The following MCC variants were observed in gnomAD, a reference collection of about 807,000 sequenced individuals.
MCC encodes colorectal mutant cancer protein.
A neutral mutation model predicts 116.2 loss-of-function variants in MCC; 90 were observed. The ratio of observed to expected loss-of-function variants is 0.77; its 90% CI spans 0.65 to 0.92. MCC has a LOEUF of 0.92. MCC is among the 40% of genes least tolerant of loss of function. MCC has a pLI of 0.00. For missense variants in MCC, 1,516 were observed against 1,312.2 expected, an observed-to-expected ratio of 1.16 and a Z score of -2.40; for synonymous variants, 578 against 510.5, an observed-to-expected ratio of 1.13 and a Z score of -1.78.
At chr5:113,087,137 G>C (rs77848316) in intron 8 of MCC, among the ~76,000 whole-genome samples, 1 of 152,306 alleles carries the variant, frequency 6.6e-6, no homozygotes, top group East Asian at 1.9e-4. Context: ...TTCTCTAAAA[G>C]GCACTGGAAA....
intron 14 of MCC, among the ~76,000 whole-genome samples, chr5:113,056,676 A>G (rs780515791): frequency 6.6e-5 from 10 of 152,220 alleles, no homozygotes; most frequent in East Asian, 1.9e-4. Context: ...CCTCCATGAC[A>G]TGAGTTTACC....
intron 3 of MCC, among the ~76,000 whole-genome samples, chr5:113,167,388 A>C (rs1760825587): frequency 6.6e-6 from 1 of 152,132 alleles, no homozygotes; most frequent in Non-Finnish European, 1.5e-5. Flanking sequence ...GCATTTACAC[A>C]CCTGCAGGGC....
intron 3 of MCC, among the ~76,000 whole-genome samples, chr5:113,156,229 A>G (rs954819916): frequency 6.6e-6 from 1 of 152,242 alleles, no homozygotes; most frequent in Non-Finnish European, 1.5e-5. Flanking sequence ...TGGCAAATGA[A>G]GCTGATCTAA....
chr5:113,032,408 C>CAAAAAAAA (rs376957827), intron 17 of MCC, among the ~76,000 whole-genome samples: 1 of 63,352 alleles, frequency 1.6e-5, no homozygotes, highest in Non-Finnish European at 3.8e-5. Context: ...AACTCTGTAT[C>CAAAAAAAA]AAAAAAAAAA....
intron 3 of MCC, among the ~76,000 whole-genome samples, chr5:113,227,624 A>G (rs949287951): frequency 1.1e-4 from 16 of 152,218 alleles, no homozygotes; most frequent in African/African-American, 3.9e-4. Context: ...AGAAAATCAT[A>G]TGTTTCTATA....
chr5:113,073,612 T>G (rs766123160), intron 11 of MCC, among the ~76,000 whole-genome samples: 1 of 151,916 alleles, frequency 6.6e-6, no homozygotes, highest in Non-Finnish European at 1.5e-5. Context: ...TCAGGCCTCA[T>G]GGTTGTTAAG....
At chr5:113,116,212 G>T (rs1561367117) in intron 6 of MCC, among the ~76,000 whole-genome samples, 1 of 152,196 alleles carries the variant, frequency 6.6e-6, no homozygotes, top group Non-Finnish European at 1.5e-5. Flanking sequence ...ACAGGAGTGA[G>T]AGGATTTCCA....
intron 1 of MCC, among the ~76,000 whole-genome samples, chr5:113,444,916 C>T (rs550420743): frequency 6.6e-6 from 1 of 152,214 alleles, no homozygotes; most frequent in Non-Finnish European, 1.5e-5. Context: ...AGGAAGTATT[C>T]CTCTAGATGA....
chr5:113,325,675 G>A (rs962486479), intron 3 of MCC, among the ~76,000 whole-genome samples: 6 of 152,002 alleles, frequency 3.9e-5, no homozygotes, highest in African/African-American at 1.4e-4. Context: ...GTAGCATATG[G>A]TGCCATTCCA....
At position 113,076,865 on chromosome 5, in the gene MCC, T is replaced by C. The variant is rs1228688176; in HGVS notation, c.1785-5631A>G. 5.9e-5 allele frequency among the ~76,000 whole-genome samples: 9 copies of C among 152,182 alleles called. No individual in the cohort carries two copies. The South Asian group carries it at 1.4e-3, about 25-fold the overall frequency. On this transcript the variant is annotated intron_variant, in intron 11 of 18. Transcript: ENST00000408903. ...CAATTAAAAGACACAGACTGGCAAA[T>C]TGGATAAAGAGTCAAGACCCATGAG...
intron 2 of MCC, among the ~76,000 whole-genome samples, chr5:113,347,759 C>T (rs568997392): frequency 6.6e-6 from 1 of 151,054 alleles, no homozygotes; most frequent in South Asian, 2.1e-4. Flanking sequence ...ATGAACTAAA[C>T]TCTATAATGA....
chr5:113,339,612 C>A (rs561050495), intron 3 of MCC, among the ~76,000 whole-genome samples: 4 of 151,984 alleles, frequency 2.6e-5, no homozygotes, highest in Non-Finnish European at 5.9e-5. Flanking sequence ...GTTTTGGTTA[C>A]GTATTTTGTA....
intron 1 of MCC, among the ~76,000 whole-genome samples, chr5:113,429,472 G>A (rs138249404): frequency 1.4e-4 from 22 of 152,230 alleles, no homozygotes; most frequent in Admixed American, 1.0e-3. Flanking sequence ...TTGTTGTGGC[G>A]GCCAGGGCTG....
chr5:113,127,211 A>G (rs1365884322), intron 5 of MCC, among the ~76,000 whole-genome samples: 2 of 152,222 alleles, frequency 1.3e-5, no homozygotes, highest in East Asian at 3.8e-4. Context: ...ATAGTATTCC[A>G]TGGTATATAC....
intron 3 of MCC, among the ~76,000 whole-genome samples, chr5:113,163,269 C>A (rs1760594567): frequency 1.3e-5 from 2 of 152,122 alleles, no homozygotes; most frequent in African/African-American, 4.8e-5. Flanking sequence ...AGGACACACA[C>A]AAAGGTCATC....
At chr5:113,350,030 A>C (rs1005512389) in intron 2 of MCC, among the ~76,000 whole-genome samples, 1 of 152,098 alleles carries the variant, frequency 6.6e-6, no homozygotes, top group African/African-American at 2.4e-5. Flanking sequence ...CACTGATGAA[A>C]GAAATTGAAG....
At chr5:113,069,013 T>A (rs1232735097) in intron 12 of MCC, among the ~76,000 whole-genome samples, 2 of 152,260 alleles carry the variant, frequency 1.3e-5, no homozygotes, top group South Asian at 4.1e-4. Flanking sequence ...ACCTGCACTA[T>A]TCAATATAGT....
intron 6 of MCC, among the ~76,000 whole-genome samples, chr5:113,107,718 G>C (rs1756830856): frequency 6.6e-6 from 1 of 152,152 alleles, no homozygotes; most frequent in Non-Finnish European, 1.5e-5. Context: ...AGATATTCAT[G>C]AAATATTCAG....
intron 3 of MCC, among the ~76,000 whole-genome samples, chr5:113,256,167 C>A (rs148144424): frequency 6.6e-6 from 1 of 152,190 alleles, no homozygotes; most frequent in South Asian, 2.1e-4. Flanking sequence ...TTTAGCTGCA[C>A]CAACCCTATC....
Sources: allele counts gnomAD v4.1 joint callset (sites outside exome capture counted in the v4.1 genomes callset), GRCh38; gene constraint gnomAD v4.1.1; transcripts MANE v1.5; gene names NCBI Gene and HGNC (gene_info 2026-07-23, HGNC 2026-07-21).